UNC13B: variants seen among roughly 807,000 people sequenced by gnomAD.
UNC13B encodes unc-13 homolog B.
A neutral mutation model predicts 211.0 loss-of-function variants in UNC13B; 144 were observed. The ratio of observed to expected loss-of-function variants is 0.68; its 90% CI spans 0.60 to 0.78. The LOEUF (loss-of-function observed/expected upper bound fraction) is 0.78. UNC13B is among the 30% of genes least tolerant of loss of function. UNC13B has a pLI of 0.00. For missense variants in UNC13B, 1,777 were observed against 2,002.0 expected, an observed-to-expected ratio of 0.89 and a Z score of 2.14; for synonymous variants, 709 against 725.8, an observed-to-expected ratio of 0.98 and a Z score of 0.37.
chr9:35,351,450 C>A, intron 11 of UNC13B: 1 of 1,231,360 alleles, frequency 8.1e-7, no homozygotes, highest in Non-Finnish European at 1.0e-6. Context: ...TGTTGCCTTC[C>A]AAGGTAATCT....
At chr9:35,181,802 C>T (rs1821954805) in intron 1 of UNC13B, among the ~76,000 whole-genome samples, 1 of 152,130 alleles carries the variant, frequency 6.6e-6, no homozygotes, top group Non-Finnish European at 1.5e-5. Flanking sequence ...AGCCACTGCA[C>T]TTCAGCGTGG....
rs188050350 is a variant in UNC13B, at chr9:35,359,697, T to C, written c.9415-7250T>C. ...TCACAACCTGTATTCAGTCCGTTAG[T>C]AAATTCCACTTCCTCCACTTTTAAA... On this transcript the variant is annotated intron_variant, in intron 11 of 39. Transcript: ENST00000635942. 3.9e-5 allele frequency among the ~76,000 whole-genome samples: 6 copies of C among 152,330 alleles called. No homozygotes were observed. The East Asian group carries it at 1.2e-3, about 29-fold the overall frequency.
At chr9:35,205,726 A>C (rs1823606006) in intron 1 of UNC13B, among the ~76,000 whole-genome samples, 1 of 152,248 alleles carries the variant, frequency 6.6e-6, no homozygotes, top group South Asian at 2.1e-4. Context: ...GTGTATCAGT[A>C]CATTGTTCCT....
chr9:35,233,045 A>G (rs1157118542), intron 3 of UNC13B, among the ~76,000 whole-genome samples: 1 of 152,192 alleles, frequency 6.6e-6, no homozygotes, highest in African/African-American at 2.4e-5. Flanking sequence ...TCAAGATTAT[A>G]TAAGCCTCAT....
At chr9:35,390,055 T>C in intron 25 of UNC13B, 82 bp downstream of exon 25, 1 of 1,582,272 alleles carries the variant, frequency 6.3e-7, no homozygotes, top group Non-Finnish European at 8.6e-7. Flanking sequence ...CCTGTCTCTG[T>C]ATGTTTGCAG....
At chr9:35,179,148 C>T (rs56836854) in intron 1 of UNC13B, among the ~76,000 whole-genome samples, 3,042 of 152,100 alleles carry the variant, frequency 0.02, 99 homozygotes, top group African/African-American at 0.071. Flanking sequence ...ATTAATTATA[C>T]AGGGTAGTGC....
At chr9:35,356,271 A>G (rs1039965972) in intron 11 of UNC13B, among the ~76,000 whole-genome samples, 1 of 152,196 alleles carries the variant, frequency 6.6e-6, no homozygotes, top group Non-Finnish European at 1.5e-5. Context: ...GACTACCAGC[A>G]TAACGAAGCT....
chr9:35,258,290 T>C (rs1220893747), intron 6 of UNC13B, among the ~76,000 whole-genome samples: 1 of 152,246 alleles, frequency 6.6e-6, no homozygotes, highest in African/African-American at 2.4e-5. Flanking sequence ...TTCCAGACTC[T>C]GTGTACCCCT....
chr9:35,380,441 C>T (rs961050023), intron 17 of UNC13B, 29 bp from the exon 18 acceptor site: 6 of 1,610,754 alleles, frequency 3.7e-6, no homozygotes, highest in Non-Finnish European at 5.1e-6. Flanking sequence ...GGGTCTGCCC[C>T]TAACAGAGCC....
At chr9:35,297,654 A>T (rs1178755516) in intron 8 of UNC13B, among the ~76,000 whole-genome samples, 2 of 141,746 alleles carry the variant, frequency 1.4e-5, no homozygotes, top group Non-Finnish European at 3.0e-5. Flanking sequence ...GGTTCACGCC[A>T]TTCTCCTGCC....
Position 35,162,158 on chromosome 9 carries a change from C to G in UNC13B, c.-126C>G. The stretch of plus-strand genomic sequence containing the variant: ...GCAGCGGCGGGACGCTACCTGCGAC[C>G]GGGACCATGAGGAGCTGCCAGACCC... On this transcript the variant is annotated 5_prime_UTR_variant, in exon 1 of 40. Transcript: ENST00000635942. 5 of 1,420,514 alleles carry G rather than the reference C, an allele frequency of 3.5e-6. No homozygotes were observed. The highest frequency in any genetic ancestry group is 4.8e-6 in the Non-Finnish European group (5 of 1,045,606). 88.0% of individuals were successfully genotyped at this position (1,420,514 alleles called of 1,614,324 possible).
chr9:35,259,790 G>A (rs958554330), intron 7 of UNC13B, among the ~76,000 whole-genome samples: 2 of 125,476 alleles, frequency 1.6e-5, no homozygotes, highest in African/African-American at 6.0e-5. Flanking sequence ...TGTGTGTAGG[G>A]GGATGCGGGG....
intron 1 of UNC13B, among the ~76,000 whole-genome samples, chr9:35,219,704 C>T (rs1824465267): frequency 6.6e-6 from 1 of 151,736 alleles, no homozygotes; most frequent in African/African-American, 2.4e-5. Context: ...ATTGCATACC[C>T]ATGTAGTTGC....
intron 16 of UNC13B, among the ~76,000 whole-genome samples, chr9:35,377,932 C>T (rs567437605): frequency 6.6e-6 from 1 of 151,130 alleles, no homozygotes; most frequent in East Asian, 1.9e-4. Context: ...AACAACCTAA[C>T]GCTGTAGACT....
At chr9:35,339,089 GTTTCCATCTTGACTCA>G (rs1831833675) in intron 11 of UNC13B, among the ~76,000 whole-genome samples, 1 of 152,144 alleles carries the variant, frequency 6.6e-6, no homozygotes, top group African/African-American at 2.4e-5. Context: ...ATCATGTTGA[GTTTCCATCTTGACTCA>G]TCTGTCTCTA....
At chr9:35,259,833 T>G (rs1424696105) in intron 7 of UNC13B, among the ~76,000 whole-genome samples, 1 of 149,610 alleles carries the variant, frequency 6.7e-6, no homozygotes, top group Non-Finnish European at 1.5e-5. Flanking sequence ...TGTTGCTCTG[T>G]TTTTTCTGAA....
In UNC13B at chr9:35,313,978, C is replaced by G; in HGVS notation, c.9403C>G (p.Gln3135Glu). The G allele has an allele frequency of 6.2e-7, 1 of 1,613,546 alleles. No individual in the cohort carries two copies. The highest frequency in any genetic ancestry group is 1.1e-5 in the South Asian group (1 of 91,076). ...CCGAGCAGTTACCAAGGTTCGACTC[C>G]AGCTGCAGGAGGTAGGAAATCTGTT... ...WIRAVTKVRL[Q>E]LQEIPDDGDP... The change falls in exon 11 of 40, where the codon CAG (glutamine) becomes GAG (glutamate). Residue 3135 changes from glutamine to glutamate, a missense_variant. Physicochemically the swap from Gln to Glu is conservative, Grantham distance 29. Coordinates refer to ENST00000635942, the MANE Select transcript of UNC13B (RefSeq NM_001371189.2).
chr9:35,273,825 G>A (rs946015466), intron 7 of UNC13B, among the ~76,000 whole-genome samples: 3 of 152,210 alleles, frequency 2.0e-5, no homozygotes, highest in Non-Finnish European at 2.9e-5. Flanking sequence ...TCTCAATGGA[G>A]GCTAGGACTT....
chr9:35,192,631 C>G (rs986236047), intron 1 of UNC13B, among the ~76,000 whole-genome samples: 8 of 152,238 alleles, frequency 5.3e-5, no homozygotes, highest in Non-Finnish European at 2.9e-5. Flanking sequence ...CTGGAAGTTA[C>G]TTCTCTAACT....
Sources: gnomAD v4.1 joint callset for allele counts (sites outside exome capture counted in the v4.1 genomes callset) on GRCh38, gnomAD v4.1.1 for gene constraint, MANE v1.5 for transcripts, NCBI Gene and HGNC (gene_info 2026-07-23, HGNC 2026-07-21) for gene names.